The following STPG4 variants were observed in gnomAD, a reference collection of about 807,000 sequenced individuals.
The protein encoded by STPG4 is sperm-tail PG-rich repeat containing 4, also known as protein STPG4.
A neutral mutation model predicts 31.5 loss-of-function variants in STPG4; 41 were observed. That is an observed-to-expected ratio of 1.30 (90% CI 1.01 to 1.69). The LOEUF (loss-of-function observed/expected upper bound fraction) is 1.69, where lower values mean the gene tolerates loss of function less well. STPG4 is among the 40% of genes most tolerant of loss of function. STPG4 has a pLI of 0.00. For synonymous variants in STPG4, 141 were observed against 103.0 expected (o/e 1.37, Z -2.24); for missense variants, 375 against 293.4 (o/e 1.28, Z -2.03).
intron 5 of STPG4, among the ~76,000 whole-genome samples, chr2:47,096,498 A>G (rs749571547): frequency 2.0e-5 from 3 of 152,234 alleles, no homozygotes; most frequent in Non-Finnish European, 2.9e-5. Flanking sequence ...GACTGTGCTG[A>G]TTTAATTAGT....
intron 3 of STPG4, among the ~76,000 whole-genome samples, chr2:47,132,238 A>G (rs539788025): frequency 6.6e-6 from 1 of 151,776 alleles, no homozygotes; most frequent in African/African-American, 2.4e-5. Flanking sequence ...AGCCAGGAGG[A>G]GAAGATCATC....
chr2:47,139,627 G>C (rs758697393), intron 3 of STPG4, among the ~76,000 whole-genome samples: 4 of 151,972 alleles, frequency 2.6e-5, no homozygotes, highest in Non-Finnish European at 5.9e-5. Flanking sequence ...TTGCTTCTTT[G>C]AAGAATTTTC....
chr2:47,134,287 A>G (rs78274190), intron 3 of STPG4, among the ~76,000 whole-genome samples: 3,751 of 152,312 alleles, frequency 0.025, 155 homozygotes, highest in African/African-American at 0.085. Context: ...TGAATGTGCA[A>G]TGACATGTAT....
chr2:47,145,162 G>C (rs910290421), intron 3 of STPG4, among the ~76,000 whole-genome samples: 1 of 152,202 alleles, frequency 6.6e-6, no homozygotes, highest in Non-Finnish European at 1.5e-5. Flanking sequence ...TGCTGGTCCA[G>C]ACTAAATTCA....
intron 5 of STPG4, among the ~76,000 whole-genome samples, chr2:47,123,837 T>C (rs1192555643): frequency 6.6e-6 from 1 of 152,142 alleles, no homozygotes; most frequent in African/African-American, 2.4e-5. Flanking sequence ...GGTATATATA[T>C]TTATGGAGTA....
intron 4 of STPG4, 85 bp from the exon 5 acceptor site, chr2:47,130,080 A>G: frequency 6.8e-7 from 1 of 1,477,110 alleles, no homozygotes; most frequent in Non-Finnish European, 9.3e-7. Context: ...CCTTTCATTA[A>G]ATATTTTAAA....
At chr2:47,113,671 T>C (rs923483437) in intron 5 of STPG4, among the ~76,000 whole-genome samples, 1 of 152,220 alleles carries the variant, frequency 6.6e-6, no homozygotes, top group Non-Finnish European at 1.5e-5. Flanking sequence ...GCTGAAGTTC[T>C]GTCAAAATTT....
rs145586839 is a variant in STPG4, at chr2:47,146,167, T to C, written c.399+5091A>G. Among the ~76,000 whole-genome samples the C allele has an allele frequency of 4.8e-3, 736 of 152,282 alleles. 4 individuals are homozygous for C. Among genetic ancestry groups the C allele is most frequent in the African/African-American group, 0.017 (696 of 41,560 alleles). Reference sequence around the variant, plus strand: ...CAGTTCACAATATCCCTGCTGGCCTTGAGAAAAGCCACTCAGAGATCACAC... The same window carrying C: ...CAGTTCACAATATCCCTGCTGGCCTCGAGAAAAGCCACTCAGAGATCACAC... On this transcript the variant is annotated intron_variant, in intron 3 of 6. Transcript: ENST00000445927.
At chr2:47,112,989 C>CAAAAAAAAAAAAAAAAAAA (rs70940656) in intron 5 of STPG4, among the ~76,000 whole-genome samples, 1 of 93,672 alleles carries the variant, frequency 1.1e-5, no homozygotes, top group Non-Finnish European at 2.1e-5. Context: ...AAGACTATCT[C>CAAAAAAAAAAAAAAAAAAA]AAAAAAAAAA....
intron 5 of STPG4, among the ~76,000 whole-genome samples, chr2:47,127,068 C>T (rs540894011): frequency 2.0e-4 from 30 of 151,962 alleles, no homozygotes; most frequent in African/African-American, 5.5e-4. Context: ...AGGTTTGGAA[C>T]GGTCCCTGTT....
intron 5 of STPG4, among the ~76,000 whole-genome samples, chr2:47,124,734 A>G (rs1272629411): frequency 6.6e-6 from 1 of 152,184 alleles, no homozygotes; most frequent in Non-Finnish European, 1.5e-5. Flanking sequence ...GCTGCAACAA[A>G]CACCAGATAC....
intron 5 of STPG4, among the ~76,000 whole-genome samples, chr2:47,120,803 T>A (rs997404544): frequency 6.6e-6 from 1 of 152,058 alleles, no homozygotes; most frequent in Non-Finnish European, 1.5e-5. Context: ...TCTGAAAAAA[T>A]TTTTGAAGGA....
At chr2:47,131,339 C>T (rs2347610) in intron 3 of STPG4, among the ~76,000 whole-genome samples, 62,172 of 151,750 alleles carry the variant, frequency 0.41, 14,635 homozygotes, top group East Asian at 0.73. Context: ...GTTGCCCAAG[C>T]TGGTCTCAAA....
chr2:47,119,726 G>C (rs1032958228), intron 5 of STPG4, among the ~76,000 whole-genome samples: 2 of 152,194 alleles, frequency 1.3e-5, no homozygotes, highest in Admixed American at 1.3e-4. Context: ...AGTAAGACCA[G>C]ATACCTAAAG....
chr2:47,147,467 G>T (rs1357586569), intron 3 of STPG4, among the ~76,000 whole-genome samples: 3 of 152,180 alleles, frequency 2.0e-5, no homozygotes, highest in Admixed American at 2.0e-4. Context: ...ATTGTAGCCT[G>T]CAGGGAATGG....
intron 3 of STPG4, among the ~76,000 whole-genome samples, chr2:47,140,518 C>A (rs1010976904): frequency 6.6e-6 from 1 of 152,174 alleles, no homozygotes; most frequent in African/African-American, 2.4e-5. Context: ...CCTACCCCAG[C>A]CATGGTTCCT....
At chr2:47,154,977 A>C (rs762742431) in intron 1 of STPG4, among the ~76,000 whole-genome samples, 194 bp downstream of exon 1, 3 of 151,860 alleles carry the variant, frequency 2.0e-5, no homozygotes, top group Non-Finnish European at 4.4e-5. Context: ...GAAAAGAAAT[A>C]AAACAAAGGA....
At chr2:47,131,426 C>T (rs922015456) in intron 3 of STPG4, among the ~76,000 whole-genome samples, 3 of 152,186 alleles carry the variant, frequency 2.0e-5, no homozygotes, top group Non-Finnish European at 4.4e-5. Context: ...TATGTCCAGC[C>T]GTGATCACAC....
At chr2:47,145,475 GA>G (rs1310503906) in intron 3 of STPG4, among the ~76,000 whole-genome samples, 1 of 152,206 alleles carries the variant, frequency 6.6e-6, no homozygotes, top group Non-Finnish European at 1.5e-5. Context: ...GGTGATCCAA[GA>G]AGACATAAAC....
Sources: gnomAD v4.1 joint callset for allele counts (sites outside exome capture counted in the v4.1 genomes callset) on GRCh38, gnomAD v4.1.1 for gene constraint, MANE v1.5 for transcripts, NCBI Gene and HGNC (gene_info 2026-07-23, HGNC 2026-07-21) for gene names.